The following TANC2 variants were observed in gnomAD, a reference collection of about 807,000 sequenced individuals.
The protein encoded by TANC2 is tetratricopeptide repeat, ankyrin repeat and coiled-coil containing 2, also known as protein TANC2.
TANC2 carries 26 observed loss-of-function variants against 210.5 expected under a neutral mutation model. The ratio of observed to expected loss-of-function variants is 0.12; its 90% CI spans 0.09 to 0.17. The LOEUF (loss-of-function observed/expected upper bound fraction) is 0.17, where lower values mean the gene tolerates loss of function less well. Among genes scored for constraint, TANC2 ranks in the 10% least tolerant of loss-of-function variants. The probability of loss-of-function intolerance (pLI) is 1.00; values close to 1 mark genes in which losing one functional copy is unlikely to be tolerated. For missense variants in TANC2, 2,129 were observed against 2,608.9 expected (o/e 0.82, Z 4.01); for synonymous variants, 931 against 967.1 (o/e 0.96, Z 0.69).
At chr17:63,295,105 A>G (rs938847347) in intron 9 of TANC2, among the ~76,000 whole-genome samples, 12 of 152,176 alleles carry the variant, frequency 7.9e-5, no homozygotes, top group Non-Finnish European at 1.5e-4. Flanking sequence ...GAGTACATAG[A>G]AAGTAGGGCT....
chr17:63,418,182 C>T lies in TANC2; in HGVS notation c.4168-125C>T, dbSNP rs2048923062. 5.1e-6 allele frequency: 5 copies of T among 973,766 alleles called. No homozygotes were observed. The highest frequency in any genetic ancestry group is 3.2e-5 in the African/African-American group (2 of 61,724). The allele number at this position is 973,766 out of a possible 1,614,324, so 60.3% of individuals were successfully genotyped here. A position where few individuals can be genotyped will look rare whatever the true frequency, so the allele number is the denominator to read the frequency against. The stretch of plus-strand genomic sequence containing the variant: ...CACGCGGCTTGAGCCATGTCAGGCA[C>T]GTCTAGCGTCCCAGGCGTTCCATCC... On this transcript the variant is annotated intron_variant, in intron 26 of 27. Transcript: ENST00000689528. This position sits in a 1 kb window ranked among gnomAD's most constrained non-coding sequence, Gnocchi z 4.6.
chr17:63,149,015 A>G (rs572041507), intron 4 of TANC2: 2 of 152,272 alleles, frequency 1.3e-5, no homozygotes, highest in East Asian at 3.9e-4. Context: ...CAAGCACAGT[A>G]CCCCATGGAT....
chr17:63,407,570 T>C (rs1241477499), intron 21 of TANC2, among the ~76,000 whole-genome samples: 1 of 152,252 alleles, frequency 6.6e-6, no homozygotes, highest in Admixed American at 6.5e-5. Flanking sequence ...TTCATTTTTT[T>C]CCACACTTAG....
chr17:63,324,866 A>G (rs1168361881), intron 11 of TANC2, among the ~76,000 whole-genome samples: 2 of 152,192 alleles, frequency 1.3e-5, no homozygotes, highest in Admixed American at 1.3e-4. Flanking sequence ...ATTTGAATGA[A>G]GAAATTCTAG....
chr17:63,350,049 A>G (rs2046548239), intron 12 of TANC2, among the ~76,000 whole-genome samples: 2 of 152,224 alleles, frequency 1.3e-5, no homozygotes, highest in Non-Finnish European at 2.9e-5. Flanking sequence ...TTGAAATTAA[A>G]TCTCTTTTAT....
chr17:63,342,042 T>C (rs939237639), intron 12 of TANC2, among the ~76,000 whole-genome samples: 2 of 152,202 alleles, frequency 1.3e-5, no homozygotes, highest in Non-Finnish European at 2.9e-5. Context: ...TCTCTGCCTG[T>C]CAGAATTCCA....
Position 63,412,155 on chromosome 17 carries a change from G to A in TANC2, c.3898+25G>A, listed in dbSNP as rs1599071111. The A allele has an allele frequency of 6.2e-7, 1 of 1,613,816 alleles. No homozygotes were observed. Among genetic ancestry groups the A allele is most frequent in the South Asian group, 1.1e-5 (1 of 91,058 alleles). The stretch of plus-strand genomic sequence containing the variant: ...GGTAGGAGAAGGGAAGAGGATGTTG[G>A]CCATCTGTGCCCAGGGGCCAGACTG... On this transcript the variant is annotated intron_variant, in intron 23 of 27. Coordinates refer to ENST00000689528, the Ensembl canonical transcript of TANC2. This position sits in a 1 kb window ranked among gnomAD's most constrained non-coding sequence, Gnocchi z 4.2.
At chr17:62,977,000 C>T (rs986873737) in intron 1 of TANC2, among the ~76,000 whole-genome samples, 13 of 152,322 alleles carry the variant, frequency 8.5e-5, no homozygotes, top group East Asian at 5.8e-4. Context: ...GTAAGGTGGA[C>T]GCGTCAGGTT....
chr17:63,051,854 A>G (rs2035593674), intron 2 of TANC2, among the ~76,000 whole-genome samples: 1 of 152,164 alleles, frequency 6.6e-6, no homozygotes, highest in Non-Finnish European at 1.5e-5. Flanking sequence ...TATTATGAGT[A>G]CATTTAAGGT....
At chr17:63,395,640 G>T in intron 17 of TANC2, 103 bp from the exon 18 acceptor site, 3 of 1,076,254 alleles carry the variant, frequency 2.8e-6, no homozygotes, top group Non-Finnish European at 4.1e-6. Context: ...GAGTGGAAAG[G>T]ATGATTCTTA....
At chr17:63,222,892 C>T (rs1419739519) in intron 7 of TANC2, among the ~76,000 whole-genome samples, 1 of 152,094 alleles carries the variant, frequency 6.6e-6, no homozygotes, top group East Asian at 1.9e-4. Flanking sequence ...CAAATGCCCA[C>T]CCACAGATGA....
chr17:63,406,081 A>G, intron 20 of TANC2, 73 bp from the exon 21 acceptor site: 2 of 1,546,234 alleles, frequency 1.3e-6, no homozygotes, highest in Middle Eastern at 3.4e-4. Context: ...CTACAGAGTA[A>G]GAGATAGTGT....
intron 7 of TANC2, 145 bp downstream of exon 7, chr17:63,201,102 G>A (rs2041517545): frequency 1.5e-6 from 1 of 648,372 alleles, no homozygotes; most frequent in Admixed American, 3.3e-5. Context: ...TGATGCTGGA[G>A]AGAGAAACCT....
chr17:63,239,361 A>T lies in TANC2; in HGVS notation c.1033+1284A>T, dbSNP rs2042712226. On this transcript the variant is annotated intron_variant, in intron 8 of 27. Transcript: ENST00000689528. The stretch of plus-strand genomic sequence containing the variant: ...ATGTCATCATCTGGACTTTGTCCAG[A>T]CTATAAAATCAAAGTTATGTTTGCT... 3.9e-5 allele frequency among the ~76,000 whole-genome samples: 6 copies of T among 152,172 alleles called. 1 individual carries two copies. Among genetic ancestry groups the T allele is most frequent in the Admixed American group, 3.3e-4 (5 of 15,276 alleles).
intron 8 of TANC2, among the ~76,000 whole-genome samples, chr17:63,259,466 A>AGG (rs1226701070): frequency 6.6e-6 from 1 of 152,188 alleles, no homozygotes; most frequent in Non-Finnish European, 1.5e-5. Flanking sequence ...GTGTTCCTGC[A>AGG]GGGGGACAGG....
intron 18 of TANC2, 77 bp downstream of exon 18, chr17:63,396,005 G>T (rs1435154104): frequency 1.4e-6 from 2 of 1,401,360 alleles, no homozygotes; most frequent in African/African-American, 2.9e-5. Flanking sequence ...AAGATTGCAC[G>T]AAGACAAAAT....
chr17:63,142,725 T>TA (rs755566157), intron 4 of TANC2, among the ~76,000 whole-genome samples: 23 of 152,310 alleles, frequency 1.5e-4, no homozygotes, highest in African/African-American at 1.9e-4. Flanking sequence ...TCAATTGTTG[T>TA]AACCATAAAA....
At chr17:63,114,689 G>A (rs899909851) in intron 4 of TANC2, among the ~76,000 whole-genome samples, 3 of 151,930 alleles carry the variant, frequency 2.0e-5, no homozygotes, top group African/African-American at 7.3e-5. Context: ...AGTTTAGCAC[G>A]GATGATTACT....
At chr17:63,019,152 A>G (rs1381975776) in intron 2 of TANC2, among the ~76,000 whole-genome samples, 3 of 152,148 alleles carry the variant, frequency 2.0e-5, no homozygotes, top group African/African-American at 7.2e-5. Context: ...CCAGCAATGT[A>G]TAAGTAATTC....
Sources: allele counts gnomAD v4.1 joint callset (sites outside exome capture counted in the v4.1 genomes callset), GRCh38; gene constraint gnomAD v4.1.1; non-coding constraint Gnocchi (gnomAD v3.1); transcripts MANE v1.5; gene names NCBI Gene and HGNC (gene_info 2026-07-23, HGNC 2026-07-21).